NECAB2: variants seen among roughly 807,000 people sequenced by gnomAD.
NECAB2 encodes N-terminal EF-hand calcium-binding protein 2.
In NECAB2, 68 loss-of-function variants were observed where a neutral mutation model predicts 51.9. The observed-to-expected ratio is 1.31, with a 90% CI of 1.08 to 1.60. NECAB2 has a LOEUF of 1.60. Among genes scored for constraint, NECAB2 ranks in the 40% most tolerant of loss-of-function variants. NECAB2 has a pLI of 0.00. For missense variants in NECAB2, 854 were observed against 490.3 expected (o/e 1.74, Z -7.00); for synonymous variants, 329 against 203.5 (o/e 1.62, Z -5.25).
Position 84,002,701 on chromosome 16 carries a change from C to T in NECAB2, c.*355C>T, listed in dbSNP as rs1567683367. On this transcript the variant is annotated 3_prime_UTR_variant, in exon 13 of 13. Coordinates refer to ENST00000305202, the MANE Select transcript of NECAB2 (RefSeq NM_019065.3). Reference sequence around the variant, plus strand: ...TGACATTCTTCTACCTAGTAGGAGTCATGCCCCTGTAGTGCCCAACCTAGC... The same window carrying T: ...TGACATTCTTCTACCTAGTAGGAGTTATGCCCCTGTAGTGCCCAACCTAGC... 3 of 337,654 alleles carry T rather than the reference C, an allele frequency of 8.9e-6. No individual in the cohort carries two copies. The highest frequency in any genetic ancestry group is 7.5e-5 in the South Asian group (2 of 26,732). 20.9% of individuals were successfully genotyped at this position (337,654 alleles called of 1,614,324 possible). A position where few individuals can be genotyped will look rare whatever the true frequency, so the allele number is the denominator to read the frequency against.
chr16:83,991,176 T>C (rs1183069808), intron 6 of NECAB2, among the ~76,000 whole-genome samples: 2 of 150,914 alleles, frequency 1.3e-5, no homozygotes, highest in Non-Finnish European at 3.0e-5. Context: ...AGAGACGGGG[T>C]TTTGTCATGT....
rs1255069189 is a variant in NECAB2, at chr16:84,000,979, G to GT, written c.1040+178_1040+179insT. ...AACCCTGGTGGAGGCAGGAGCTCTT[G>GT]GTGGGTAGTGAGAGCCCCCACCACA... On this transcript the variant is annotated intron_variant, in intron 11 of 12. Transcript: ENST00000305202. Among the ~76,000 whole-genome samples, 10 of 98,546 alleles carry GT rather than the reference G, an allele frequency of 1.0e-4. No homozygotes were observed. The African/African-American group carries it at 1.9e-3, about 18-fold the overall frequency. The allele number at this position is 98,546 out of a possible 152,430, so 64.7% of individuals were successfully genotyped here. A position where few individuals can be genotyped will look rare whatever the true frequency, so the allele number is the denominator to read the frequency against.
intron 5 of NECAB2, among the ~76,000 whole-genome samples, chr16:83,984,141 G>A (rs888292527): frequency 1.3e-5 from 2 of 151,550 alleles, no homozygotes; most frequent in African/African-American, 2.4e-5. Flanking sequence ...GACTACAGGC[G>A]CCCGCTACTA....
At chr16:83,982,764 T>A (rs995682404) in intron 5 of NECAB2, among the ~76,000 whole-genome samples, 1 of 152,188 alleles carries the variant, frequency 6.6e-6, no homozygotes, top group African/African-American at 2.4e-5. Flanking sequence ...GTCATGTGCG[T>A]ATGATGTCAG....
At position 84,000,715 on chromosome 16, in the gene NECAB2, C is replaced by A. The variant is rs765301192; in HGVS notation, c.963-9C>A. 4.3e-6 allele frequency: 7 copies of A among 1,613,772 alleles called. No individual in the cohort carries two copies. The highest frequency in any genetic ancestry group is 5.9e-6 in the Non-Finnish European group (7 of 1,179,880). On this transcript the variant is annotated splice_polypyrimidine_tract_variant and intron_variant, in intron 10 of 12. Coordinates refer to ENST00000305202, the MANE Select transcript of NECAB2 (RefSeq NM_019065.3). ...CCAGCCTCCTCCCCCCGACCATCTC[C>A]TGTTGCAGCATCACTGCCGTGAGGC...
intron 5 of NECAB2, among the ~76,000 whole-genome samples, chr16:83,982,728 C>T (rs1431761031): frequency 2.0e-5 from 3 of 152,042 alleles, no homozygotes; most frequent in Admixed American, 6.6e-5. Context: ...CAAGTTAGAC[C>T]GGTTTTAGAG....
chr16:84,002,241 A>G lies in NECAB2; in HGVS notation c.1133-77A>G. The G allele has an allele frequency of 1.9e-6, 3 of 1,552,208 alleles. No homozygotes were observed. In the East Asian group the frequency reaches 6.7e-5, roughly 35 times the overall value. On this transcript the variant is annotated intron_variant, in intron 12 of 12. Coordinates refer to ENST00000305202, the MANE Select transcript of NECAB2 (RefSeq NM_019065.3). ...ACTCAAAGCCATCCCCCGACCTGTCATTCAAGACGACCACCACCAGCTACG... is the reference window on the plus strand; with the variant it reads ...ACTCAAAGCCATCCCCCGACCTGTCGTTCAAGACGACCACCACCAGCTACG...
chr16:83,978,750 C>G (rs75932597), intron 3 of NECAB2, among the ~76,000 whole-genome samples, 198 bp downstream of exon 3: 1 of 152,018 alleles, frequency 6.6e-6, no homozygotes, highest in African/African-American at 2.4e-5. Context: ...TGGCTACTAT[C>G]GCAAGTGTGT....
intron 1 of NECAB2, chr16:83,971,354 G>A (rs1242276383): frequency 6.6e-6 from 1 of 152,222 alleles, no homozygotes; most frequent in African/African-American, 2.4e-5. Flanking sequence ...CCGGGCTGAG[G>A]AGGTTTTGAA....
rs771863228 is a variant in NECAB2, at chr16:83,978,584, G to A, written c.335+32G>A. The stretch of plus-strand genomic sequence containing the variant: ...TTCAGTCCTGGCTGGCAGAGTGGGG[G>A]TGTGTGTGGGCTGTGGTGGAGGCAT... On this transcript the variant is annotated intron_variant, in intron 3 of 12. Transcript: ENST00000305202. The A allele has an allele frequency of 5.2e-6, 8 of 1,550,068 alleles. No homozygotes were observed. In the East Asian group the frequency reaches 9.0e-5, roughly 17 times the overall value.
intron 2 of NECAB2, among the ~76,000 whole-genome samples, chr16:83,972,706 G>T (rs2084362457): frequency 6.6e-6 from 1 of 152,184 alleles, no homozygotes; most frequent in Non-Finnish European, 1.5e-5. Context: ...CTCTCCTGAA[G>T]ACCGGGGCCC....
At position 84,002,534 on chromosome 16, in the gene NECAB2, T is replaced by C. The variant is rs1225306526; in HGVS notation, c.*188T>C. 4.1e-6 allele frequency: 3 copies of C among 732,310 alleles called. No individual in the cohort carries two copies. The highest frequency in any genetic ancestry group is 6.7e-6 in the Non-Finnish European group (3 of 444,684). The allele number at this position is 732,310 out of a possible 1,614,324, so 45.4% of individuals were successfully genotyped here. ...CCACCTGAGAAGGCAGAGCAGTGTC[T>C]GTGCTGCCAGGTCCTGGTGAAGCCC... On this transcript the variant is annotated 3_prime_UTR_variant, in exon 13 of 13. Transcript: ENST00000305202.
chr16:83,967,848 G>C (rs1239181204), upstream of NECAB2, among the ~76,000 whole-genome samples: 1 of 149,532 alleles, frequency 6.7e-6, no homozygotes, highest in African/African-American at 2.5e-5. Context: ...GATGCTGGGT[G>C]GGTGGATGGA....
Position 83,984,008 on chromosome 16 carries a change from T to G in NECAB2, c.459+2881T>G, listed in dbSNP as rs1230596772. ...TATATATATGGTGGTTTTTTTTTTT[T>G]TTTTTTTGACGGAGTCTCGCTCTGT... On this transcript the variant is annotated intron_variant, in intron 5 of 12. Coordinates refer to ENST00000305202, the MANE Select transcript of NECAB2 (RefSeq NM_019065.3). Among the ~76,000 whole-genome samples, 10 of 150,448 alleles carry G rather than the reference T, an allele frequency of 6.6e-5. No individual in the cohort carries two copies. The South Asian group carries it at 1.1e-3, about 16-fold the overall frequency.
intron 10 of NECAB2, among the ~76,000 whole-genome samples, chr16:83,999,544 C>G (rs898256195): frequency 6.6e-6 from 1 of 151,318 alleles, no homozygotes; most frequent in African/African-American, 2.5e-5. Flanking sequence ...TCCAGCCCGG[C>G]CCCTTCCTCT....
intron 2 of NECAB2, among the ~76,000 whole-genome samples, chr16:83,977,434 C>T (rs2084425984): frequency 6.6e-6 from 1 of 152,148 alleles, no homozygotes; most frequent in African/African-American, 2.4e-5. Flanking sequence ...TCTTAAGCCA[C>T]CTCCCCTGGT....
chr16:83,976,567 C>A (rs1259717665), intron 2 of NECAB2, among the ~76,000 whole-genome samples: 2 of 152,160 alleles, frequency 1.3e-5, no homozygotes, highest in African/African-American at 2.4e-5. Context: ...TATCTCGTGG[C>A]TGACTTTGCG....
rs1396861112 is a variant in NECAB2, at chr16:83,978,552, A to G, written c.335A>G (p.Asn112Ser). 3 of 1,610,330 alleles carry G rather than the reference A, an allele frequency of 1.9e-6. No individual in the cohort carries two copies. The African/African-American group carries it at 4.0e-5, about 22-fold the overall frequency. Reference sequence around the variant, plus strand: ...CACACGATTGACTCTGACAACACCAAGTGAGCTTCAGTCCTGGCTGGCAGA... The same window carrying G: ...CACACGATTGACTCTGACAACACCAGGTGAGCTTCAGTCCTGGCTGGCAGA... ...LFHTIDSDNT[N>S]HVDTKELCDY... The change falls in exon 3 of 13, where the codon AAC becomes AGC. Residue 112 changes from asparagine to serine, a missense_variant and splice_region_variant. By Grantham distance (46) the Asn-to-Ser change is conservative. Coordinates refer to ENST00000305202, the MANE Select transcript of NECAB2 (RefSeq NM_019065.3).
chr16:83,976,495 C>T (rs373806017), intron 2 of NECAB2, among the ~76,000 whole-genome samples: 6 of 152,220 alleles, frequency 3.9e-5, no homozygotes, highest in Non-Finnish European at 8.8e-5. Context: ...TCAGGCTTGC[C>T]GAAGACACTC....
Sources: gnomAD v4.1 joint callset for allele counts (sites outside exome capture counted in the v4.1 genomes callset) on GRCh38, gnomAD v4.1.1 for gene constraint, MANE v1.5 for transcripts, NCBI Gene and HGNC (gene_info 2026-07-23, HGNC 2026-07-21) for gene names.